Variants in FAM91A1 observed in about 807,000 individuals in gnomAD.
FAM91A1 encodes protein FAM91A1.
A neutral mutation model predicts 113.5 loss-of-function variants in FAM91A1; 41 were observed. The observed-to-expected ratio is 0.36, with a 90% confidence interval of 0.28 to 0.47. The LOEUF is 0.47. FAM91A1 is among the 20% of genes least tolerant of loss of function. The pLI, the probability that FAM91A1 is intolerant of heterozygous loss-of-function variation, is 1.00. For synonymous variants in FAM91A1, 307 were observed against 347.9 expected (o/e 0.88, Z 1.31); for missense variants, 696 against 1,001.2 (o/e 0.70, Z 4.11).
intron 6 of FAM91A1, 46 bp downstream of exon 6, chr8:123,778,818 T>C (rs749840293): frequency 7.9e-7 from 1 of 1,258,104 alleles, no homozygotes; most frequent in Admixed American, 3.1e-5. Context: ...TTTTTTAGTT[T>C]ATTTTACAAT....
At chr8:123,773,031 G>A (rs1194818392) in intron 1 of FAM91A1, among the ~76,000 whole-genome samples, 2 of 152,164 alleles carry the variant, frequency 1.3e-5, no homozygotes, top group Admixed American at 1.3e-4. Flanking sequence ...GAAAATCCCA[G>A]TGTAAGTGGA....
In FAM91A1 at chr8:123,778,108, CT is replaced by C. The variant is rs778115342; in HGVS notation, c.435+21del. On this transcript the variant is annotated intron_variant, in intron 5 of 23. Coordinates refer to ENST00000334705, the MANE Select transcript of FAM91A1 (RefSeq NM_144963.4). The stretch of plus-strand genomic sequence containing the variant: ...ATCATCAAAAGTAAGTTAGTACTTT[CT>C]TTTTCATTGTTTTGGCCTCATCACA... The C allele has an allele frequency of 6.4e-7, 1 of 1,559,850 alleles. No homozygotes were observed. The highest frequency in any genetic ancestry group is 1.2e-5 in the South Asian group (1 of 86,268).
At chr8:123,769,934 A>C (rs992312886) in intron 1 of FAM91A1, among the ~76,000 whole-genome samples, 2 of 151,744 alleles carry the variant, frequency 1.3e-5, no homozygotes, top group African/African-American at 4.8e-5. Flanking sequence ...ATGGTATATA[A>C]GGATTATTTA....
At position 123,805,268 on chromosome 8, in the gene FAM91A1, G is replaced by A; in HGVS notation, c.1811G>A (p.Gly604Glu). The A allele has an allele frequency of 1.2e-6, 2 of 1,609,892 alleles. No homozygotes were observed. Among genetic ancestry groups the A allele is most frequent in the Non-Finnish European group, 1.7e-6 (2 of 1,177,968 alleles). The change falls in exon 19 of 24, where the codon GGG (glycine) becomes GAG (glutamate). Residue 604 changes from glycine to glutamate, a missense_variant and splice_region_variant. Gly to Glu is a moderately conservative substitution (Grantham distance 98). Transcript: ENST00000334705. ...ALTHSAVLIQGHGLHGIGETV... is the reference protein window; with the variant it reads ...ALTHSAVLIQEHGLHGIGETV... ...CTTTTAACTTTTGTTTATGTTTAGG[G>A]GCATGGTCTGCATGGGATAGGAGAA...
intron 14 of FAM91A1, 29 bp from the exon 15 acceptor site, chr8:123,789,584 G>C: frequency 1.2e-6 from 2 of 1,610,554 alleles, no homozygotes; most frequent in African/African-American, 1.3e-5. Context: ...TGGTATTTTT[G>C]TTGCAAAATC....
intron 1 of FAM91A1, 32 bp from the exon 2 acceptor site, chr8:123,774,048 G>A (rs1299595538): frequency 1.2e-5 from 19 of 1,566,326 alleles, no homozygotes; most frequent in Non-Finnish European, 1.7e-5. Flanking sequence ...CAGTTTGGAA[G>A]TTGTTTAAAA....
At chr8:123,771,997 A>G (rs960975247) in intron 1 of FAM91A1, among the ~76,000 whole-genome samples, 13 of 152,132 alleles carry the variant, frequency 8.5e-5, no homozygotes, top group Admixed American at 1.3e-4. Flanking sequence ...TTAAAAAGTC[A>G]CCTTCTCTAG....
At chr8:123,782,964 G>A (rs561348276) in intron 8 of FAM91A1, among the ~76,000 whole-genome samples, 242 of 152,098 alleles carry the variant, frequency 1.6e-3, no homozygotes, top group Middle Eastern at 3.2e-3. Context: ...GAGCCCTGGA[G>A]TTCGAGACCA....
intron 1 of FAM91A1, among the ~76,000 whole-genome samples, chr8:123,770,872 C>T (rs1270929808): frequency 6.6e-6 from 1 of 152,168 alleles, no homozygotes; most frequent in Admixed American, 6.5e-5. Context: ...TGTTGCAAAA[C>T]ATCTGTACAA....
Position 123,770,100 on chromosome 8 carries a change from G to GCGC in FAM91A1, c.72+1328_72+1330dup, listed in dbSNP as rs533494636. On this transcript the variant is annotated intron_variant, in intron 1 of 23. Coordinates refer to ENST00000334705, the MANE Select transcript of FAM91A1 (RefSeq NM_144963.4). ...CCCGAGTAGCTGGTACTACAGGTGC[G>GCGC]CGCCACCACGCCCAGCTAATTTTTG... is the stretch of plus-strand genomic sequence containing the variant. Among the ~76,000 whole-genome samples the GCGC allele has an allele frequency of 3.5e-3, 535 of 151,954 alleles. 8 individuals are homozygous for GCGC. The highest frequency in any genetic ancestry group is 0.012 in the African/African-American group (492 of 41,406).
At chr8:123,804,548 C>T (rs935638402) in intron 18 of FAM91A1, among the ~76,000 whole-genome samples, 3 of 150,686 alleles carry the variant, frequency 2.0e-5, no homozygotes, top group Admixed American at 2.0e-4. Flanking sequence ...AGTATCACTC[C>T]CCTGCTAACC....
chr8:123,774,644 G>T (rs953618974), intron 2 of FAM91A1, among the ~76,000 whole-genome samples: 4 of 151,326 alleles, frequency 2.6e-5, no homozygotes, highest in Non-Finnish European at 5.9e-5. Context: ...CTATTCTGTT[G>T]CCCTGGTAGT....
Position 123,773,649 on chromosome 8 carries a change from A to G in FAM91A1, c.73-431A>G, listed in dbSNP as rs140387016. Among the ~76,000 whole-genome samples the G allele has an allele frequency of 7.9e-3, 1,201 of 152,322 alleles. 15 individuals are homozygous for G. The highest frequency in any genetic ancestry group is 0.028 in the African/African-American group (1,146 of 41,560). On this transcript the variant is annotated intron_variant, in intron 1 of 23. Coordinates refer to ENST00000334705, the MANE Select transcript of FAM91A1 (RefSeq NM_144963.4). ...TTAATAATTATAACCCTCAGCTACA[A>G]TTATCAAAGAGGGATGTATCTGTCC...
At chr8:123,787,791 G>A in intron 14 of FAM91A1, 41 bp downstream of exon 14, 1 of 1,511,844 alleles carries the variant, frequency 6.6e-7, no homozygotes, top group Non-Finnish European at 9.1e-7. Flanking sequence ...AGGGCATTTG[G>A]AATCTGTCCT....
intron 23 of FAM91A1, 39 bp downstream of exon 23, chr8:123,810,390 A>T: frequency 6.4e-7 from 1 of 1,555,666 alleles, no homozygotes; most frequent in African/African-American, 1.4e-5. Flanking sequence ...ACTTGTACTG[A>T]GCTTTAAGTA....
At chr8:123,812,411 A>AAAAAAT in intron 23 of FAM91A1, 108 bp from the exon 24 acceptor site, 1 of 932,770 alleles carries the variant, frequency 1.1e-6, no homozygotes, top group Non-Finnish European at 1.6e-6. Flanking sequence ...ACTGCTTTGC[A>AAAAAAT]ATCCATAAAC....
intron 14 of FAM91A1, chr8:123,788,110 GTTTGA>G: frequency 1.2e-6 from 1 of 836,488 alleles, no homozygotes; most frequent in Non-Finnish European, 1.4e-6. Context: ...CTCTTAAGCA[GTTTGA>G]TTTGAAGTTT....
In FAM91A1 at chr8:123,801,313, C is replaced by T. The variant is rs533937981; in HGVS notation, c.1809+1428C>T. ...CATGATAAACCTTATACTTTATTTCCCACCTATAAAATGGAGATGGCAATA... is the reference window on the plus strand; with the variant it reads ...CATGATAAACCTTATACTTTATTTCTCACCTATAAAATGGAGATGGCAATA... On this transcript the variant is annotated intron_variant, in intron 18 of 23. Transcript: ENST00000334705. 2.0e-5 allele frequency among the ~76,000 whole-genome samples: 3 copies of T among 152,142 alleles called. No individual in the cohort carries two copies. The South Asian group carries it at 6.2e-4, about 32-fold the overall frequency.
intron 1 of FAM91A1, among the ~76,000 whole-genome samples, chr8:123,770,560 C>T (rs922579223): frequency 4.6e-5 from 7 of 152,078 alleles, no homozygotes; most frequent in Non-Finnish European, 8.8e-5. Flanking sequence ...GTGGCAAATC[C>T]AAAGACACAA....
Sources: allele counts gnomAD v4.1 joint callset (sites outside exome capture counted in the v4.1 genomes callset), GRCh38; gene constraint gnomAD v4.1.1; transcripts MANE v1.5; gene names NCBI Gene and HGNC (gene_info 2026-07-23, HGNC 2026-07-21).